The following EML4 variants were observed in gnomAD, a reference collection of about 807,000 sequenced individuals.
The protein encoded by EML4 is echinoderm microtubule-associated protein-like 4.
In EML4, 72 loss-of-function variants were observed where a neutral mutation model predicts 129.0. The observed-to-expected ratio is 0.56, with a 90% CI of 0.46 to 0.68. EML4 has a LOEUF of 0.68. Among genes scored for constraint, EML4 ranks in the 30% least tolerant of loss-of-function variants. The pLI is 0.00. For missense variants in EML4, 1,363 were observed against 1,190.6 expected, an observed-to-expected ratio of 1.14 and a Z score of -2.13; for synonymous variants, 532 against 405.0, an observed-to-expected ratio of 1.31 and a Z score of -3.77.
intron 2 of EML4, among the ~76,000 whole-genome samples, chr2:42,247,462 C>G (rs935549344): frequency 1.3e-5 from 2 of 152,040 alleles, no homozygotes; most frequent in Non-Finnish European, 2.9e-5. Flanking sequence ...GTGATTCCCA[C>G]TCTTTTCCCT....
intron 1 of EML4, among the ~76,000 whole-genome samples, chr2:42,228,804 C>T (rs992359280): frequency 3.3e-5 from 5 of 152,148 alleles, no homozygotes; most frequent in African/African-American, 1.2e-4. Context: ...CCCCACAATG[C>T]TTGCTAGGGT....
At chr2:42,199,497 G>A (rs1354612489) in intron 1 of EML4, among the ~76,000 whole-genome samples, 1 of 152,194 alleles carries the variant, frequency 6.6e-6, no homozygotes, top group East Asian at 1.9e-4. Context: ...GACTTTTGGA[G>A]TAATCATATG....
At chr2:42,316,220 A>C (rs1311916827) in intron 18 of EML4, among the ~76,000 whole-genome samples, 170 bp downstream of exon 18, 1 of 152,262 alleles carries the variant, frequency 6.6e-6, no homozygotes, top group Non-Finnish European at 1.5e-5. Context: ...AAACTGCAAA[A>C]GATCTGCTGA....
chr2:42,314,055 A>C (rs1270349232), intron 17 of EML4, among the ~76,000 whole-genome samples: 2 of 151,586 alleles, frequency 1.3e-5, no homozygotes, highest in Non-Finnish European at 2.9e-5. Flanking sequence ...CAGGTAAAAA[A>C]TAAAGATTAA....
At chr2:42,180,434 T>G (rs1346220887) in intron 1 of EML4, among the ~76,000 whole-genome samples, 1 of 152,206 alleles carries the variant, frequency 6.6e-6, no homozygotes, top group Non-Finnish European at 1.5e-5. Flanking sequence ...CTTGCCACTC[T>G]GGACTTGCAT....
chr2:42,176,603 T>C (rs1670616877), intron 1 of EML4, among the ~76,000 whole-genome samples: 1 of 152,212 alleles, frequency 6.6e-6, no homozygotes, highest in Non-Finnish European at 1.5e-5. Context: ...ACTCAAATAT[T>C]ATTTCCTTTC....
chr2:42,252,313 G>T (rs1675829119), intron 2 of EML4, among the ~76,000 whole-genome samples: 2 of 152,138 alleles, frequency 1.3e-5, no homozygotes, highest in African/African-American at 4.8e-5. Context: ...ATGATCAAGT[G>T]TAAAAGTTTT....
chr2:42,240,107 C>G (rs1674926691), intron 1 of EML4, among the ~76,000 whole-genome samples: 1 of 152,048 alleles, frequency 6.6e-6, no homozygotes, highest in African/African-American at 2.4e-5. Flanking sequence ...AGTGTCTGTT[C>G]TTGTTTTAGT....
In EML4 at chr2:42,222,070, G is replaced by C. The variant is rs890362574; in HGVS notation, c.26-23435G>C. 1.8e-4 allele frequency among the ~76,000 whole-genome samples: 28 copies of C among 152,040 alleles called. 1 individual carries two copies. Among genetic ancestry groups the C allele is most frequent in the African/African-American group, 3.6e-4 (15 of 41,408 alleles). ...CTTCTCTCCTTAGTCTTCTCTCTCT[G>C]TAGCCATGGAGAAGTTGAGTCATGT... On this transcript the variant is annotated intron_variant, in intron 1 of 22. Coordinates refer to ENST00000318522, the MANE Select transcript of EML4 (RefSeq NM_019063.5).
At chr2:42,180,107 TA>T (rs1478545433) in intron 1 of EML4, among the ~76,000 whole-genome samples, 4 of 152,160 alleles carry the variant, frequency 2.6e-5, no homozygotes, top group African/African-American at 9.7e-5. Flanking sequence ...ATGAAAAGTT[TA>T]AAAAAATTGT....
At chr2:42,308,229 A>C (rs1668727655) in intron 17 of EML4, among the ~76,000 whole-genome samples, 1 of 152,236 alleles carries the variant, frequency 6.6e-6, no homozygotes, top group Non-Finnish European at 1.5e-5. Flanking sequence ...GCTGCAGGGC[A>C]CAGTGGCTCA....
At chr2:42,251,988 T>G (rs1177379878) in intron 2 of EML4, among the ~76,000 whole-genome samples, 1 of 152,206 alleles carries the variant, frequency 6.6e-6, no homozygotes, top group African/African-American at 2.4e-5. Context: ...AATCAATAAA[T>G]TGTTTGTAAA....
intron 21 of EML4, among the ~76,000 whole-genome samples, chr2:42,327,233 A>C (rs142987889): frequency 3.9e-5 from 6 of 152,320 alleles, no homozygotes; most frequent in Non-Finnish European, 5.9e-5. Context: ...ACATTTTGTT[A>C]ATTCATTCAT....
At chr2:42,186,640 C>T (rs1026485491) in intron 1 of EML4, among the ~76,000 whole-genome samples, 13 of 152,148 alleles carry the variant, frequency 8.5e-5, no homozygotes, top group Admixed American at 4.6e-4. Flanking sequence ...ATACTCTGCT[C>T]CTTTGGGGAT....
chr2:42,256,636 C>A lies in EML4; in HGVS notation c.338+6C>A, dbSNP rs753887338. 1 of 1,612,770 alleles carries A rather than the reference C, an allele frequency of 6.2e-7. No individual in the cohort carries two copies. The highest frequency in any genetic ancestry group is 8.5e-7 in the Non-Finnish European group (1 of 1,179,456). On this transcript the variant is annotated splice_donor_region_variant and intron_variant, in intron 3 of 22. Transcript: ENST00000318522. The stretch of plus-strand genomic sequence containing the variant: ...CTTTCATCTGCTGCTAAAAGGTACC[C>A]ATTTATGAAAGGGGGAAAAACTAAC...
chr2:42,256,475 T>G (rs757226196), intron 2 of EML4, 26 bp from the exon 3 acceptor site: 9 of 1,569,530 alleles, frequency 5.7e-6, no homozygotes, highest in Admixed American at 2.0e-5. Context: ...AAATTTGATA[T>G]AATTTTTTTC....
At position 42,245,687 on chromosome 2, in the gene EML4, G is replaced by T. The variant is rs770983218; in HGVS notation, c.208G>T (p.Gly70Cys). 1.1e-5 allele frequency: 18 copies of T among 1,598,228 alleles called. No homozygotes were observed. Among genetic ancestry groups the T allele is most frequent in the Non-Finnish European group, 1.5e-5 (18 of 1,173,764 alleles). ...AGTGAAAAAATCAGTCTCAAGTAAA[G>T]GTAATTGTGTTGTAAAGTTAAAAAG... Reference protein sequence around the residue: ...ASVKKSVSSKGQPSPRAVIPM... With the variant: ...ASVKKSVSSKCQPSPRAVIPM... Residue 70 changes from glycine to cysteine, a missense_variant and splice_region_variant, in exon 2 of 23, where the codon GGC (glycine) becomes TGC (cysteine). By Grantham distance (159) the Gly-to-Cys change is radical. Coordinates refer to ENST00000318522, the MANE Select transcript of EML4 (RefSeq NM_019063.5).
intron 21 of EML4, among the ~76,000 whole-genome samples, chr2:42,328,221 A>T (rs1244165022): frequency 6.6e-6 from 1 of 152,224 alleles, no homozygotes; most frequent in Non-Finnish European, 1.5e-5. Context: ...AGTGGCCAAC[A>T]TCTCAACCCT....
chr2:42,231,587 A>G (rs565778183), intron 1 of EML4, among the ~76,000 whole-genome samples: 7 of 152,236 alleles, frequency 4.6e-5, no homozygotes, highest in Admixed American at 3.3e-4. Flanking sequence ...ATCTTCCTGT[A>G]CTTTTTATCC....
Sources: gnomAD v4.1 joint callset for allele counts (sites outside exome capture counted in the v4.1 genomes callset) on GRCh38, gnomAD v4.1.1 for gene constraint, MANE v1.5 for transcripts, NCBI Gene and HGNC (gene_info 2026-07-23, HGNC 2026-07-21) for gene names.